Variants in PTBP3 observed in about 807,000 individuals in gnomAD.
PTBP3 encodes polypyrimidine tract binding protein 3, also known as polypyrimidine tract-binding protein 3.
In PTBP3, 20 loss-of-function variants were observed where a neutral mutation model predicts 58.7. The ratio of observed to expected loss-of-function variants is 0.34; its 90% CI spans 0.24 to 0.50. The LOEUF (loss-of-function observed/expected upper bound fraction) is 0.50, where lower values mean the gene tolerates loss of function less well. Ranked by LOEUF, PTBP3 falls within the 20% of genes least tolerant of loss-of-function variation. The pLI is 0.98. For synonymous variants in PTBP3, 185 were observed against 219.8 expected, an observed-to-expected ratio of 0.84 and a Z score of 1.40; for missense variants, 509 against 637.2, an observed-to-expected ratio of 0.80 and a Z score of 2.17.
intron 1 of PTBP3, among the ~76,000 whole-genome samples, chr9:112,302,239 A>G: frequency 6.6e-6 from 1 of 152,230 alleles, no homozygotes; most frequent in East Asian, 1.9e-4. Flanking sequence ...ACAAAACTAT[A>G]AAGGGATACA....
intron 2 of PTBP3, among the ~76,000 whole-genome samples, chr9:112,276,336 A>G (rs1827608340): frequency 6.6e-6 from 1 of 152,192 alleles, no homozygotes. Context: ...TTATGACTAG[A>G]GAACACTATT....
chr9:112,274,043 G>C (rs1827504541), intron 3 of PTBP3, among the ~76,000 whole-genome samples: 1 of 152,152 alleles, frequency 6.6e-6, no homozygotes, highest in African/African-American at 2.4e-5. Context: ...TTCAAATCAT[G>C]CAAACCATAC....
the PTBP3 span, among the ~76,000 whole-genome samples, chr9:112,363,802 C>A: frequency 7.2e-5 from 11 of 152,182 alleles, no homozygotes; most frequent in Admixed American, 5.2e-4. Context: ...ATTAACAGCC[C>A]CAGTTGGTAT....
chr9:112,304,111 G>A (rs1220291077), intron 1 of PTBP3, among the ~76,000 whole-genome samples: 3 of 152,024 alleles, frequency 2.0e-5, no homozygotes, highest in African/African-American at 7.3e-5. Flanking sequence ...AGGTTGCAGT[G>A]AGCCGAGATT....
Position 112,333,522 on chromosome 9 carries a change from C to A in PTBP3, c.-104G>T, listed in dbSNP as rs758454888. On this transcript the variant is annotated 5_prime_UTR_variant, in exon 1 of 14. Transcript: ENST00000374257. ...ACAGAGCAGGGACTGACGGGCTAAC[C>A]GCGAGCAGAGGAAGCAGGCGGCGGC... 1.3e-6 allele frequency: 2 copies of A among 1,579,894 alleles called. No homozygotes were observed. The highest frequency in any genetic ancestry group is 1.8e-5 in the Admixed American group (1 of 56,800).
chr9:112,324,246 A>C (rs1258179913), intron 1 of PTBP3, among the ~76,000 whole-genome samples: 1 of 152,194 alleles, frequency 6.6e-6, no homozygotes, highest in Non-Finnish European at 1.5e-5. Context: ...GACCTGCGAA[A>C]AGTTTTTTAA....
chr9:112,327,589 A>C (rs1830209903), intron 1 of PTBP3, among the ~76,000 whole-genome samples: 1 of 152,070 alleles, frequency 6.6e-6, no homozygotes, highest in Admixed American at 6.6e-5. Flanking sequence ...AAATAGAACA[A>C]ATTTTTCATG....
At chr9:112,238,534 A>C (rs1247132993) in intron 7 of PTBP3, among the ~76,000 whole-genome samples, 1 of 152,048 alleles carries the variant, frequency 6.6e-6, no homozygotes, top group African/African-American at 2.4e-5. Context: ...TTCTAGAACC[A>C]CTAAAAATAA....
At position 112,254,863 on chromosome 9, in the gene PTBP3, T is replaced by A. The variant is rs539152290; in HGVS notation, c.517-2075A>T. ...TACCATATGATCCAGCAATTCTATT[T>A]CTAGGTATATAGCCAAAAAATTGAA... On this transcript the variant is annotated intron_variant, in intron 5 of 13. Coordinates refer to ENST00000374257, the MANE Select transcript of PTBP3 (RefSeq NM_001163788.4). Among the ~76,000 whole-genome samples the A allele has an allele frequency of 6.6e-5, 10 of 152,302 alleles. No homozygotes were observed. The East Asian group carries it at 1.7e-3, about 26-fold the overall frequency.
In PTBP3 at chr9:112,220,002, T is replaced by C; in HGVS notation, c.*3849A>G. The C allele has an allele frequency of 5.7e-6, 5 of 874,952 alleles. No homozygotes were observed. The highest frequency in any genetic ancestry group is 1.8e-5 in the African/African-American group (1 of 55,032). The allele number at this position is 874,952 out of a possible 1,614,324, so 54.2% of individuals were successfully genotyped here. ...CTAAATTGTATTTCTTTCAGCACAA[T>C]AGTAGAGTATTTTGAGTCTGGCAGT... On this transcript the variant is annotated 3_prime_UTR_variant, in exon 14 of 14. Coordinates refer to ENST00000374257, the MANE Select transcript of PTBP3 (RefSeq NM_001163788.4).
chr9:112,332,687 A>T (rs1830424056), intron 1 of PTBP3: 4 of 1,455,220 alleles, frequency 2.7e-6, no homozygotes, highest in Non-Finnish European at 3.7e-6. Flanking sequence ...TTATATACAT[A>T]GACTCTAAAT....
chr9:112,302,810 G>A (rs574982554), intron 1 of PTBP3, among the ~76,000 whole-genome samples: 2 of 152,050 alleles, frequency 1.3e-5, no homozygotes, highest in South Asian at 2.1e-4. Flanking sequence ...GGCTGGTCTC[G>A]AACTCCTGAC....
chr9:112,320,311 TA>T (rs1229757023), intron 1 of PTBP3, among the ~76,000 whole-genome samples: 4 of 51,774 alleles, frequency 7.7e-5, no homozygotes, highest in Non-Finnish European at 1.3e-4. Context: ...TATATATATA[TA>T]TATTTTTTTT....
intron 1 of PTBP3, among the ~76,000 whole-genome samples, chr9:112,312,417 A>G (rs1829517531): frequency 6.7e-6 from 1 of 150,010 alleles, no homozygotes; most frequent in Admixed American, 6.7e-5. Context: ...GGATCACTTG[A>G]GCCCAGGAGA....
intron 2 of PTBP3, among the ~76,000 whole-genome samples, chr9:112,288,226 T>C (rs1457511468): frequency 6.6e-6 from 1 of 152,156 alleles, no homozygotes; most frequent in Non-Finnish European, 1.5e-5. Context: ...GGACTCTCTG[T>C]TGTAGTTGGC....
At chr9:112,290,567 G>A (rs1387014873) in intron 2 of PTBP3, among the ~76,000 whole-genome samples, 3 of 151,026 alleles carry the variant, frequency 2.0e-5, no homozygotes, top group Non-Finnish European at 2.9e-5. Flanking sequence ...AGCTACTCAG[G>A]AGCCTGAGGC....
chr9:112,272,203 C>T (rs1384508213), intron 3 of PTBP3, among the ~76,000 whole-genome samples: 2 of 152,088 alleles, frequency 1.3e-5, no homozygotes, highest in East Asian at 1.9e-4. Context: ...GCTGGGACTA[C>T]AGGTGGGTGC....
chr9:112,285,143 T>G (rs1331035007), intron 2 of PTBP3, among the ~76,000 whole-genome samples: 1 of 152,150 alleles, frequency 6.6e-6, no homozygotes, highest in Non-Finnish European at 1.5e-5. Flanking sequence ...GGAGACCTGG[T>G]GGGAGATGGA....
chr9:112,292,053 C>T (rs1828457850), intron 2 of PTBP3, among the ~76,000 whole-genome samples: 1 of 152,072 alleles, frequency 6.6e-6, no homozygotes, highest in Non-Finnish European at 1.5e-5. Flanking sequence ...AAATTGAAGT[C>T]TGGGGACAGT....
Sources: gnomAD v4.1 joint callset for allele counts (sites outside exome capture counted in the v4.1 genomes callset) on GRCh38, gnomAD v4.1.1 for gene constraint, MANE v1.5 for transcripts, NCBI Gene and HGNC (gene_info 2026-07-23, HGNC 2026-07-21) for gene names.